Variants in SLC35F3 observed in about 807,000 individuals in gnomAD.
SLC35F3 encodes solute carrier family 35 member F3.
In SLC35F3, 25 loss-of-function variants were observed where a neutral mutation model predicts 49.9. The ratio of observed to expected loss-of-function variants is 0.50; its 90% CI spans 0.37 to 0.70. The LOEUF (loss-of-function observed/expected upper bound fraction) is 0.70. Among genes scored for constraint, SLC35F3 ranks in the 30% least tolerant of loss-of-function variants. The pLI is 0.00. For missense variants in SLC35F3, 525 were observed against 639.8 expected, an observed-to-expected ratio of 0.82 and a Z score of 1.94; for synonymous variants, 275 against 265.4, an observed-to-expected ratio of 1.04 and a Z score of -0.35.
chr1:233,990,016 G>A (rs1004647061), intron 2 of SLC35F3, among the ~76,000 whole-genome samples: 2 of 152,084 alleles, frequency 1.3e-5, no homozygotes, highest in African/African-American at 4.8e-5. Flanking sequence ...GTTACATTCA[G>A]ATCTTTGGAT....
chr1:233,994,766 C>T (rs975205152), intron 2 of SLC35F3, among the ~76,000 whole-genome samples: 1 of 152,136 alleles, frequency 6.6e-6, no homozygotes, highest in Non-Finnish European at 1.5e-5. Context: ...AAAGGCGGTT[C>T]CCCAGCCCTC....
rs114815733 is a variant in SLC35F3 at position 234,254,247 on chromosome 1, G to A, written c.608+22506G>A. On this transcript the variant is annotated intron_variant, in intron 3 of 7. Transcript: ENST00000366618. ...GCACTGGCTTTCTATATCCTTAGTA[G>A]TGTTCACACTCTTCTCTATTCTCAA... 2.6e-3 allele frequency among the ~76,000 whole-genome samples: 391 copies of A among 152,196 alleles called. 2 individuals carry two copies. Among genetic ancestry groups the A allele is most frequent in the African/African-American group, 8.7e-3 (361 of 41,506 alleles).
At chr1:233,972,628 G>A (rs777136004) in intron 2 of SLC35F3, among the ~76,000 whole-genome samples, 1 of 151,762 alleles carries the variant, frequency 6.6e-6, no homozygotes, top group East Asian at 1.9e-4. Context: ...TGGCGAGCCT[G>A]GTAAATCATG....
At chr1:234,185,502 T>G (rs1021694177) in intron 2 of SLC35F3, among the ~76,000 whole-genome samples, 2 of 152,210 alleles carry the variant, frequency 1.3e-5, no homozygotes, top group Non-Finnish European at 2.9e-5. Context: ...AATTAGTAGC[T>G]TGTGTAGTAC....
At chr1:233,930,000 A>G (rs2102792801) in intron 2 of SLC35F3, among the ~76,000 whole-genome samples, 1 of 152,200 alleles carries the variant, frequency 6.6e-6, no homozygotes, top group East Asian at 1.9e-4. Flanking sequence ...AGGAATTTTA[A>G]GAGCTAGGTG....
chr1:234,175,447 C>A (rs1201811840), intron 2 of SLC35F3, among the ~76,000 whole-genome samples: 1 of 152,096 alleles, frequency 6.6e-6, no homozygotes, highest in Non-Finnish European at 1.5e-5. Flanking sequence ...TCCCAAAAAC[C>A]TATTTAAATC....
At chr1:234,099,640 T>C (rs951528876) in intron 2 of SLC35F3, among the ~76,000 whole-genome samples, 7 of 151,088 alleles carry the variant, frequency 4.6e-5, no homozygotes, top group Non-Finnish European at 8.8e-5. Context: ...AAAAAAAGAT[T>C]TTACCAACAT....
chr1:234,179,768 T>C (rs1666529962), intron 2 of SLC35F3, among the ~76,000 whole-genome samples: 2 of 152,166 alleles, frequency 1.3e-5, no homozygotes, highest in Admixed American at 1.3e-4. Flanking sequence ...CAGGTTCAAT[T>C]AAAGAGGAGA....
intron 2 of SLC35F3, among the ~76,000 whole-genome samples, chr1:234,146,827 C>CATATCA (rs2102906366): frequency 6.6e-6 from 1 of 152,144 alleles, no homozygotes; most frequent in South Asian, 2.1e-4. Flanking sequence ...TCTTTCTTTC[C>CATATCA]ATATGTCTTT....
intron 2 of SLC35F3, among the ~76,000 whole-genome samples, chr1:234,009,982 T>G (rs1249967660): frequency 6.6e-6 from 1 of 152,188 alleles, no homozygotes; most frequent in Non-Finnish European, 1.5e-5. Flanking sequence ...AGGGAGTTCT[T>G]CAACTTGAAA....
intron 2 of SLC35F3, among the ~76,000 whole-genome samples, chr1:234,151,701 TAAAAG>T (rs572016578): frequency 4.1e-4 from 63 of 152,166 alleles, no homozygotes; most frequent in African/African-American, 1.5e-3. Context: ...TTCTAAAAGT[TAAAAG>T]AAATGAAATG....
At chr1:234,249,437 T>C (rs1488842945) in intron 3 of SLC35F3, among the ~76,000 whole-genome samples, 1 of 152,152 alleles carries the variant, frequency 6.6e-6, no homozygotes, top group African/African-American at 2.4e-5. Flanking sequence ...CCTTATCCCA[T>C]GGGTCTGAAC....
At chr1:234,066,830 CCACACACACACACACACACACA>C (rs61401819) in intron 2 of SLC35F3, among the ~76,000 whole-genome samples, 4 of 135,120 alleles carry the variant, frequency 3.0e-5, no homozygotes, top group South Asian at 5.2e-4. Flanking sequence ...CCTCTCTCTC[CCACACACACACACACACACACA>C]CACACACACA....
At chr1:234,053,440 A>G (rs1203776022) in intron 2 of SLC35F3, among the ~76,000 whole-genome samples, 1 of 152,156 alleles carries the variant, frequency 6.6e-6, no homozygotes, top group Non-Finnish European at 1.5e-5. Context: ...CTGTTTTATC[A>G]GAGACTAGGA....
intron 2 of SLC35F3, among the ~76,000 whole-genome samples, chr1:233,951,367 C>G (rs1350084494): frequency 6.6e-6 from 1 of 151,882 alleles, no homozygotes; most frequent in Non-Finnish European, 1.5e-5. Flanking sequence ...GTTCACCCAC[C>G]ACCCACTCAC....
At chr1:234,268,833 AGT>A (rs1668052417) in intron 3 of SLC35F3, 1 of 152,236 alleles carries the variant, frequency 6.6e-6, no homozygotes, top group African/African-American at 2.4e-5. Flanking sequence ...TCTGCAACAT[AGT>A]GTTAGACAAA....
At chr1:233,921,835 C>T (rs1332008506) in intron 2 of SLC35F3, among the ~76,000 whole-genome samples, 1 of 149,008 alleles carries the variant, frequency 6.7e-6, no homozygotes, top group Non-Finnish European at 1.5e-5. Flanking sequence ...GTGATGTTCC[C>T]CACCCAGTGT....
chr1:234,309,015 T>TAAAAAAAAAA, intron 3 of SLC35F3, 86 bp from the exon 4 acceptor site: 1 of 951,488 alleles, frequency 1.1e-6, no homozygotes, highest in Non-Finnish European at 1.5e-6. Context: ...TATATTTGCT[T>TAAAAAAAAAA]AAAAAAAAAA....
At chr1:234,220,392 T>G (rs1233744381) in intron 2 of SLC35F3, among the ~76,000 whole-genome samples, 2 of 152,122 alleles carry the variant, frequency 1.3e-5, no homozygotes, top group East Asian at 3.8e-4. Flanking sequence ...AAGTATCCAG[T>G]GGTGACAAGG....
Sources: allele counts gnomAD v4.1 joint callset (sites outside exome capture counted in the v4.1 genomes callset), GRCh38; gene constraint gnomAD v4.1.1; transcripts MANE v1.5; gene names NCBI Gene and HGNC (gene_info 2026-07-23, HGNC 2026-07-21).